Variants in SRPK2 observed in about 807,000 individuals in gnomAD.
SRPK2 encodes SFRS protein kinase 2.
In SRPK2, 21 loss-of-function variants were observed where a neutral mutation model predicts 90.8. That is an observed-to-expected ratio of 0.23 (90% CI 0.16 to 0.33). The LOEUF is 0.33. SRPK2 is among the 10% of genes least tolerant of loss of function. The pLI, the probability that SRPK2 is intolerant of heterozygous loss-of-function variation, is 1.00. For synonymous variants in SRPK2, 288 were observed against 311.1 expected, an observed-to-expected ratio of 0.93 and a Z score of 0.78; for missense variants, 620 against 869.0, an observed-to-expected ratio of 0.71 and a Z score of 3.60.
intron 2 of SRPK2, among the ~76,000 whole-genome samples, chr7:105,246,028 C>A (rs1801612276): frequency 6.6e-6 from 1 of 152,188 alleles, no homozygotes; most frequent in South Asian, 2.1e-4. Context: ...AGGATAATGG[C>A]TCTAGCAGCT....
chr7:105,160,227 T>C (rs1317497746), intron 7 of SRPK2: 2 of 225,304 alleles, frequency 8.9e-6, no homozygotes, highest in African/African-American at 4.5e-5. Flanking sequence ...ACAAAAACAA[T>C]GTAATTGTAC....
intron 2 of SRPK2, among the ~76,000 whole-genome samples, chr7:105,207,256 C>T (rs1796331256): frequency 6.6e-6 from 1 of 152,190 alleles, no homozygotes; most frequent in African/African-American, 2.4e-5. Flanking sequence ...CCTGCCTCAG[C>T]CTGGTGGGTA....
intron 2 of SRPK2, among the ~76,000 whole-genome samples, chr7:105,295,516 A>G (rs1809695661): frequency 6.6e-6 from 1 of 152,198 alleles, no homozygotes; most frequent in Non-Finnish European, 1.5e-5. Flanking sequence ...CCTTGAAAAC[A>G]TTATGCTAAG....
chr7:105,368,098 G>C (rs748452850), intron 2 of SRPK2, among the ~76,000 whole-genome samples: 1 of 152,068 alleles, frequency 6.6e-6, no homozygotes, highest in Non-Finnish European at 1.5e-5. Flanking sequence ...AAGGAAAAGA[G>C]GAAATTATTT....
intron 2 of SRPK2, among the ~76,000 whole-genome samples, chr7:105,372,074 G>A (rs550106346): frequency 5.3e-4 from 78 of 147,708 alleles, no homozygotes; most frequent in South Asian, 4.3e-3. Context: ...GGCGGAGGCC[G>A]CAGTGAGCCG....
At chr7:105,132,147 C>T (rs1314530328) in intron 13 of SRPK2, among the ~76,000 whole-genome samples, 2 of 152,196 alleles carry the variant, frequency 1.3e-5, no homozygotes, top group African/African-American at 2.4e-5. Flanking sequence ...CTGTGGAAGC[C>T]GTCATCTCAA....
chr7:105,323,493 G>A (rs893429740), intron 2 of SRPK2, among the ~76,000 whole-genome samples: 8 of 152,116 alleles, frequency 5.3e-5, no homozygotes, highest in South Asian at 2.1e-4. Context: ...CCCATATTCC[G>A]TGTTTGAGAC....
At chr7:105,145,046 C>T (rs1429849397) in intron 9 of SRPK2, among the ~76,000 whole-genome samples, 1 of 146,816 alleles carries the variant, frequency 6.8e-6, no homozygotes, top group Non-Finnish European at 1.5e-5. Context: ...GGGGAGGTTG[C>T]AGTGAGCCGA....
At chr7:105,353,667 G>A (rs1457409598) in intron 2 of SRPK2, among the ~76,000 whole-genome samples, 2 of 152,098 alleles carry the variant, frequency 1.3e-5, no homozygotes. Flanking sequence ...AAATTCATCA[G>A]GCCCATGTTC....
rs1272343655 is a variant in SRPK2, at chr7:105,376,558, G to T, written c.71+12090C>A. Among the ~76,000 whole-genome samples the T allele has an allele frequency of 1.3e-4, 20 of 149,790 alleles. 1 individual carries two copies. The highest frequency in any genetic ancestry group is 4.0e-4 in the Admixed American group (6 of 14,972). ...TCTTTTTTTTTTTTGGTGAGGGGAGGGTATAGAGTCTCACTCTGTTGCCCA... is the reference window on the plus strand; with the variant it reads ...TCTTTTTTTTTTTTGGTGAGGGGAGTGTATAGAGTCTCACTCTGTTGCCCA... On this transcript the variant is annotated intron_variant, in intron 2 of 15. Coordinates refer to ENST00000393651, the MANE Select transcript of SRPK2 (RefSeq NM_182692.3).
intron 7 of SRPK2, among the ~76,000 whole-genome samples, chr7:105,147,704 A>AC (rs987767297): frequency 6.6e-6 from 1 of 151,832 alleles, no homozygotes; most frequent in African/African-American, 2.4e-5. Context: ...TCTCTCTCCT[A>AC]CCCCTTCTAA....
chr7:105,265,437 T>A (rs1585434062), intron 2 of SRPK2, among the ~76,000 whole-genome samples: 1 of 152,244 alleles, frequency 6.6e-6, no homozygotes, highest in South Asian at 2.1e-4. Context: ...TCTGTGGATT[T>A]TGATATCTAT....
chr7:105,213,790 T>C (rs776672105), intron 2 of SRPK2, among the ~76,000 whole-genome samples: 1 of 152,182 alleles, frequency 6.6e-6, no homozygotes, highest in African/African-American at 2.4e-5. Context: ...CTAAGACTTA[T>C]ATTGGTGAAA....
intron 2 of SRPK2, among the ~76,000 whole-genome samples, chr7:105,308,118 G>C (rs541366437): frequency 3.9e-5 from 6 of 152,268 alleles, no homozygotes; most frequent in African/African-American, 1.4e-4. Flanking sequence ...TTTAGTGTTA[G>C]AGTTTTTGCT....
intron 2 of SRPK2, among the ~76,000 whole-genome samples, chr7:105,256,031 T>C (rs1418619805): frequency 6.6e-6 from 1 of 152,206 alleles, no homozygotes; most frequent in Non-Finnish European, 1.5e-5. Context: ...TACTGTTATT[T>C]TAGTATGGCT....
upstream of SRPK2, among the ~76,000 whole-genome samples, chr7:105,391,424 C>T (rs1460651676): frequency 1.3e-5 from 2 of 152,214 alleles, no homozygotes; most frequent in Non-Finnish European, 2.9e-5. Flanking sequence ...AGGATGGTAT[C>T]GAACTCCCAA....
intron 3 of SRPK2, among the ~76,000 whole-genome samples, chr7:105,186,449 TG>T (rs1225561642): frequency 6.6e-6 from 1 of 152,246 alleles, no homozygotes; most frequent in East Asian, 1.9e-4. Context: ...ATGCAGTAGC[TG>T]ATTTTCAGTT....
intron 2 of SRPK2, chr7:105,244,865 G>A: frequency 8.0e-7 from 1 of 1,246,564 alleles, no homozygotes; most frequent in Non-Finnish European, 1.2e-6. Flanking sequence ...GGGTCCTCAA[G>A]TTCATCAAGA....
At chr7:105,229,841 C>G (rs892325503) in intron 2 of SRPK2, among the ~76,000 whole-genome samples, 1 of 152,154 alleles carries the variant, frequency 6.6e-6, no homozygotes, top group Non-Finnish European at 1.5e-5. Flanking sequence ...AAATCAACAG[C>G]GAAGCTGAGT....
Sources: allele counts gnomAD v4.1 joint callset (sites outside exome capture counted in the v4.1 genomes callset), GRCh38; gene constraint gnomAD v4.1.1; transcripts MANE v1.5; gene names NCBI Gene and HGNC (gene_info 2026-07-23, HGNC 2026-07-21).